CAMTA1: variants seen among roughly 807,000 people sequenced by gnomAD.
CAMTA1 encodes the protein calmodulin binding transcription activator 1, also known as calmodulin-binding transcription activator 1.
A neutral mutation model predicts 170.9 loss-of-function variants in CAMTA1; 27 were observed. The observed-to-expected ratio is 0.16, with a 90% CI of 0.12 to 0.22. The LOEUF is 0.22. Among genes scored for constraint, CAMTA1 ranks in the 10% least tolerant of loss-of-function variants. CAMTA1 has a pLI of 1.00. For synonymous variants in CAMTA1, 833 were observed against 891.5 expected (o/e 0.93, Z 1.17); for missense variants, 1,619 against 2,217.2 (o/e 0.73, Z 5.42).
chr1:7,027,882 G>A (rs1284753100), intron 3 of CAMTA1, among the ~76,000 whole-genome samples: 2 of 151,788 alleles, frequency 1.3e-5, no homozygotes, highest in African/African-American at 4.8e-5. Flanking sequence ...GCCAACCAGA[G>A]ATATTATTTC....
At chr1:7,088,105 C>T (rs1640984777) in intron 3 of CAMTA1, among the ~76,000 whole-genome samples, 1 of 152,188 alleles carries the variant, frequency 6.6e-6, no homozygotes, top group South Asian at 2.1e-4. Context: ...CAGCATGGGA[C>T]AGTCGATGGC....
chr1:7,079,248 A>G (rs967798978), intron 3 of CAMTA1, among the ~76,000 whole-genome samples: 1 of 152,214 alleles, frequency 6.6e-6, no homozygotes, highest in East Asian at 1.9e-4. Context: ...ATAAGCCTTG[A>G]GAGGGTCAGG....
intron 5 of CAMTA1, among the ~76,000 whole-genome samples, chr1:7,318,233 ACTGAGCAG>A (rs1677832914): frequency 1.6e-5 from 1 of 64,044 alleles, no homozygotes; most frequent in South Asian, 4.0e-4. Flanking sequence ...ACAGGGAGGC[ACTGAGCAG>A]TGGCAGGTGG....
intron 6 of CAMTA1, among the ~76,000 whole-genome samples, chr1:7,533,331 G>A (rs2094513112): frequency 6.6e-6 from 1 of 152,324 alleles, no homozygotes; most frequent in East Asian, 1.9e-4. Context: ...GGTGGGCCAG[G>A]GTTACCTGCC....
intron 11 of CAMTA1, chr1:7,694,898 G>A (rs565231356): frequency 1.2e-4 from 19 of 152,346 alleles, no homozygotes; most frequent in African/African-American, 4.1e-4. Context: ...GGGACCTGGG[G>A]AGAGAGCATT....
chr1:7,557,984 G>A (rs961572174), intron 6 of CAMTA1, among the ~76,000 whole-genome samples: 20 of 152,294 alleles, frequency 1.3e-4, no homozygotes, highest in South Asian at 4.1e-4. Context: ...TGTGGTGTCC[G>A]TGGGGCTTCC....
At chr1:7,446,856 G>A (rs1318233326) in intron 5 of CAMTA1, among the ~76,000 whole-genome samples, 1 of 152,172 alleles carries the variant, frequency 6.6e-6, no homozygotes, top group Non-Finnish European at 1.5e-5. Context: ...TTCACAGCCC[G>A]GTTGTTCCTT....
intron 4 of CAMTA1, among the ~76,000 whole-genome samples, chr1:7,129,187 C>A (rs924036139): frequency 6.6e-6 from 1 of 152,050 alleles, no homozygotes. Context: ...CCCAGGCTCC[C>A]ACAGCTGGTA....
chr1:7,546,782 G>C (rs1288912311), intron 6 of CAMTA1, among the ~76,000 whole-genome samples: 1 of 152,174 alleles, frequency 6.6e-6, no homozygotes, highest in Non-Finnish European at 1.5e-5. Flanking sequence ...TCATATGCTT[G>C]TTGGCTGGAC....
At chr1:7,054,666 C>T (rs1409484533) in intron 3 of CAMTA1, among the ~76,000 whole-genome samples, 1 of 152,168 alleles carries the variant, frequency 6.6e-6, no homozygotes, top group African/African-American at 2.4e-5. Context: ...AGTAGCGTGA[C>T]CTTGGAGTCG....
chr1:7,668,719 C>A (rs1004558133), intron 9 of CAMTA1, among the ~76,000 whole-genome samples: 1 of 152,232 alleles, frequency 6.6e-6, no homozygotes, highest in Non-Finnish European at 1.5e-5. Flanking sequence ...AGCTGTCCTG[C>A]GGCGGTTTCC....
At chr1:6,832,467 T>C (rs1650733568) in intron 3 of CAMTA1, among the ~76,000 whole-genome samples, 1 of 152,196 alleles carries the variant, frequency 6.6e-6, no homozygotes, top group Non-Finnish European at 1.5e-5. Context: ...TTTTCCTTTG[T>C]GTAACTTTGT....
At chr1:7,048,960 A>T in intron 3 of CAMTA1, among the ~76,000 whole-genome samples, 1 of 152,192 alleles carries the variant, frequency 6.6e-6, no homozygotes, top group East Asian at 1.9e-4. Flanking sequence ...TTTAAAATTA[A>T]ACTTACAGAC....
intron 3 of CAMTA1, among the ~76,000 whole-genome samples, chr1:6,942,495 C>T (rs1686817570): frequency 1.3e-5 from 2 of 151,926 alleles, no homozygotes; most frequent in African/African-American, 4.8e-5. Context: ...CCTATTTCTA[C>T]ACAAAAATAA....
chr1:7,544,893 G>T (rs1190909422), intron 6 of CAMTA1, among the ~76,000 whole-genome samples: 1 of 152,130 alleles, frequency 6.6e-6, no homozygotes, highest in African/African-American at 2.4e-5. Flanking sequence ...ATTCCCTCAG[G>T]AGGAAGAAAT....
At chr1:7,424,995 AG>A (rs2091798169) in intron 5 of CAMTA1, among the ~76,000 whole-genome samples, 1 of 152,118 alleles carries the variant, frequency 6.6e-6, no homozygotes, top group Non-Finnish European at 1.5e-5. Flanking sequence ...CTTCACTTCC[AG>A]GGGGGCTCGG....
intron 3 of CAMTA1, among the ~76,000 whole-genome samples, chr1:6,865,696 ATT>A (rs1027867560): frequency 2.0e-5 from 3 of 152,174 alleles, no homozygotes; most frequent in Non-Finnish European, 2.9e-5. Context: ...TACATTAATT[ATT>A]TTTGTTTATT....
At chr1:7,220,126 C>G (rs1228478711) in intron 4 of CAMTA1, among the ~76,000 whole-genome samples, 1 of 152,214 alleles carries the variant, frequency 6.6e-6, no homozygotes, top group Non-Finnish European at 1.5e-5. Flanking sequence ...ATTTTTACAG[C>G]ATTCTCATAC....
intron 3 of CAMTA1, among the ~76,000 whole-genome samples, chr1:6,897,445 C>T (rs1675882819): frequency 3.0e-5 from 1 of 33,504 alleles, no homozygotes; most frequent in Admixed American, 4.1e-4. Context: ...ACTCAATAAG[C>T]CTGTATTTAC....
Sources: allele counts gnomAD v4.1 joint callset (sites outside exome capture counted in the v4.1 genomes callset), GRCh38; gene constraint gnomAD v4.1.1; transcripts MANE v1.5; gene names NCBI Gene and HGNC (gene_info 2026-07-23, HGNC 2026-07-21).